The following CCDC82 variants were observed in gnomAD, a reference collection of about 807,000 sequenced individuals.
The protein encoded by CCDC82 is coiled-coil domain-containing protein 82.
CCDC82 carries 47 observed loss-of-function variants against 60.6 expected under a neutral mutation model. The observed-to-expected ratio is 0.77, with a 90% confidence interval of 0.61 to 0.99. The LOEUF (loss-of-function observed/expected upper bound fraction) is 0.99. Among genes scored for constraint, CCDC82 ranks in the 50% least tolerant of loss-of-function variants. CCDC82 has a pLI of 0.00. For missense variants in CCDC82, 588 were observed against 633.0 expected, an observed-to-expected ratio of 0.93 and a Z score of 0.76; for synonymous variants, 212 against 207.4, an observed-to-expected ratio of 1.02 and a Z score of -0.19.
intron 8 of CCDC82, among the ~76,000 whole-genome samples, chr11:96,360,358 A>G (rs987896687): frequency 6.8e-6 from 1 of 147,108 alleles, no homozygotes. Context: ...ACACGCAGCT[A>G]ATTTTTTTTT....
At chr11:96,372,274 T>C (rs559751482) in intron 6 of CCDC82, among the ~76,000 whole-genome samples, 1 of 152,308 alleles carries the variant, frequency 6.6e-6, no homozygotes, top group South Asian at 2.1e-4. Context: ...TTGACTAATC[T>C]AACTAGCAGA....
chr11:96,359,218 T>A, intron 8 of CCDC82, 40 bp from the exon 9 acceptor site: 11 of 1,471,490 alleles, frequency 7.5e-6, no homozygotes, highest in Non-Finnish European at 9.9e-6. Flanking sequence ...ACAACGAATA[T>A]ATATCCTTTC....
At chr11:96,374,369 G>A (rs1294469140) in intron 5 of CCDC82, among the ~76,000 whole-genome samples, 1 of 152,104 alleles carries the variant, frequency 6.6e-6, no homozygotes, top group African/African-American at 2.4e-5. Flanking sequence ...ATTCAACATG[G>A]AAAACCCTCT....
Position 96,383,250 on chromosome 11 carries a change from T to C in CCDC82, c.991+19A>G. On this transcript the variant is annotated intron_variant, in intron 5 of 9. Coordinates refer to ENST00000646818, the MANE Select transcript of CCDC82 (RefSeq NM_024725.4). ...TCATGAGAACAATTCATGAAACATTTTCTTAATATTGAACTTACAAAGAGA... is the reference window on the plus strand; with the variant it reads ...TCATGAGAACAATTCATGAAACATTCTCTTAATATTGAACTTACAAAGAGA... 2 of 1,289,712 alleles carry C rather than the reference T, an allele frequency of 1.6e-6. No homozygotes were observed. Among genetic ancestry groups the C allele is most frequent in the Non-Finnish European group, 2.3e-6 (2 of 886,760 alleles). 79.9% of individuals were successfully genotyped at this position (1,289,712 alleles called of 1,614,324 possible).
At chr11:96,363,290 G>A (rs1864768495) in intron 8 of CCDC82, 1 of 151,994 alleles carries the variant, frequency 6.6e-6, no homozygotes, top group Admixed American at 6.5e-5. Flanking sequence ...TCATAACTAG[G>A]TTTATTTTCT....
chr11:96,375,748 G>T (rs1403014416), intron 5 of CCDC82, among the ~76,000 whole-genome samples: 1 of 152,138 alleles, frequency 6.6e-6, no homozygotes, highest in Non-Finnish European at 1.5e-5. Flanking sequence ...GTTAAATATT[G>T]TTACACATGG....
chr11:96,388,096 T>C (rs1313747640), intron 1 of CCDC82: 6 of 152,218 alleles, frequency 3.9e-5, no homozygotes, highest in Non-Finnish European at 8.8e-5. Flanking sequence ...AAAAATTCTG[T>C]TACTGAAAAG....
At chr11:96,361,828 T>C (rs1424725135) in intron 8 of CCDC82, among the ~76,000 whole-genome samples, 1 of 152,210 alleles carries the variant, frequency 6.6e-6, no homozygotes, top group Non-Finnish European at 1.5e-5. Flanking sequence ...TCTAGTTCAA[T>C]TTCTGTACAT....
intron 9 of CCDC82, chr11:96,357,926 G>A (rs1864430431): frequency 1.0e-6 from 1 of 985,428 alleles, no homozygotes; most frequent in African/African-American, 1.7e-5. Context: ...AAAGACTTAA[G>A]GATCAAGATG....
chr11:96,365,062 C>T lies in CCDC82; in HGVS notation c.1298G>A (p.Cys433Tyr). The change falls in exon 8 of 10, where the codon TGT becomes TAT. Residue 433 changes from cysteine to tyrosine, a missense_variant. By Grantham distance (194) the Cys-to-Tyr change is radical (BLOSUM62 -2). Coordinates refer to ENST00000646818, the MANE Select transcript of CCDC82 (RefSeq NM_024725.4). ...TCCTGATAAATGCACTGAATATTTACAGTAGCGATGCAGTCCACAAGCCTG... is the reference window on the plus strand; with the variant it reads ...TCCTGATAAATGCACTGAATATTTATAGTAGCGATGCAGTCCACAAGCCTG... Reference protein sequence around the residue: ...SCQACGLHRYCKYSVHLSGEL... With the variant: ...SCQACGLHRYYKYSVHLSGEL... The T allele has an allele frequency of 6.2e-7, 1 of 1,610,028 alleles. No individual in the cohort carries two copies. The highest frequency in any genetic ancestry group is 8.5e-7 in the Non-Finnish European group (1 of 1,177,900).
intron 8 of CCDC82, chr11:96,363,371 T>TA (rs1460005746): frequency 3.3e-5 from 5 of 152,230 alleles, no homozygotes; most frequent in African/African-American, 1.2e-4. Flanking sequence ...TAAATTTTTG[T>TA]AAGTCATTCT....
rs560603637 is a variant in CCDC82 at position 96,373,420 on chromosome 11, G to A, written c.1039C>T (p.Leu347Phe). 38 of 1,610,368 alleles carry A rather than the reference G, an allele frequency of 2.4e-5. No individual in the cohort carries two copies. The South Asian group carries it at 3.7e-4, about 16-fold the overall frequency. ...GATTCATCTAAAGCGTTGATCAGAA[G>A]AGCCTTCACAACTCTTTCAAAATGA... ...YTHFERVVKA[L>F]LINALDESFL... is the part of the protein sequence containing the mutation. The change falls in exon 6 of 10, where the codon CTT (leucine) becomes TTT (phenylalanine). Residue 347 changes from leucine to phenylalanine, a missense_variant. Transcript: ENST00000646818.
chr11:96,370,920 A>G, intron 7 of CCDC82, 93 bp downstream of exon 7: 1 of 1,108,890 alleles, frequency 9.0e-7, no homozygotes, highest in Non-Finnish European at 1.2e-6. Context: ...AGACATGCCA[A>G]TATTTTAGAA....
At chr11:96,358,762 A>C (rs929321191) in intron 9 of CCDC82, 2 of 903,038 alleles carry the variant, frequency 2.2e-6, no homozygotes, top group Non-Finnish European at 3.1e-6. Context: ...GGACAGTGTT[A>C]ATGCTTATTA....
At chr11:96,389,580 C>T (rs1866430774) in intron 1 of CCDC82, 1 of 152,402 alleles carries the variant, frequency 6.6e-6, no homozygotes, top group Non-Finnish European at 1.5e-5. Flanking sequence ...GAGAAATCAC[C>T]AACCGAGCTC....
chr11:96,381,422 T>C (rs1004487607), intron 5 of CCDC82: 1 of 151,786 alleles, frequency 6.6e-6, no homozygotes, highest in Admixed American at 6.6e-5. Flanking sequence ...TATTTTATTA[T>C]AAATCATGAG....
chr11:96,378,377 CTCTGAG>C (rs1439512355), intron 5 of CCDC82, among the ~76,000 whole-genome samples: 1 of 151,872 alleles, frequency 6.6e-6, no homozygotes, highest in Non-Finnish European at 1.5e-5. Context: ...TATTTTCTTC[CTCTGAG>C]TCTACCTTTA....
chr11:96,359,266 CATT>C, intron 8 of CCDC82, 88 bp from the exon 9 acceptor site: 2 of 1,004,628 alleles, frequency 2.0e-6, no homozygotes, highest in South Asian at 3.7e-5. Context: ...AATCAAAATG[CATT>C]ATTAACTTCC....
At chr11:96,358,096 C>T in intron 9 of CCDC82, 1 of 985,420 alleles carries the variant, frequency 1.0e-6, no homozygotes, top group Non-Finnish European at 1.2e-6. Flanking sequence ...TGCCTAAGCT[C>T]TCTTGCCTTA....
Sources: gnomAD v4.1 joint callset for allele counts (sites outside exome capture counted in the v4.1 genomes callset) on GRCh38, gnomAD v4.1.1 for gene constraint, MANE v1.5 for transcripts, NCBI Gene and HGNC (gene_info 2026-07-23, HGNC 2026-07-21) for gene names.